Variants in DTNB observed in about 807,000 individuals in gnomAD.
The protein encoded by DTNB is DTN-B.
In DTNB, 63 loss-of-function variants were observed where a neutral mutation model predicts 90.7. The ratio of observed to expected loss-of-function variants is 0.69; its 90% CI spans 0.57 to 0.86. DTNB has a LOEUF of 0.86. DTNB is among the 40% of genes least tolerant of loss of function. The pLI, the probability that DTNB is intolerant of heterozygous loss-of-function variation, is 0.00. For missense variants in DTNB, 744 were observed against 807.1 expected (o/e 0.92, Z 0.95); for synonymous variants, 277 against 286.7 (o/e 0.97, Z 0.34).
chr2:25,478,725 C>A (rs1287193621), intron 10 of DTNB, among the ~76,000 whole-genome samples: 2 of 152,144 alleles, frequency 1.3e-5, no homozygotes, highest in Non-Finnish European at 2.9e-5. Flanking sequence ...TGCTCTGATG[C>A]CATAGGTCTA....
chr2:25,645,669 A>G (rs1199981967), intron 2 of DTNB, among the ~76,000 whole-genome samples: 2 of 152,032 alleles, frequency 1.3e-5, no homozygotes, highest in Non-Finnish European at 2.9e-5. Flanking sequence ...TCAAACTCCT[A>G]GGCTCAAGCA....
At chr2:25,582,539 A>G (rs1254639071) in intron 6 of DTNB, among the ~76,000 whole-genome samples, 1 of 152,206 alleles carries the variant, frequency 6.6e-6, no homozygotes. Context: ...CTGAGGGACA[A>G]TCTCATCTCC....
chr2:25,670,633 TCCCTAAAG>T (rs2085613081), intron 1 of DTNB, among the ~76,000 whole-genome samples: 1 of 152,150 alleles, frequency 6.6e-6, no homozygotes, highest in Non-Finnish European at 1.5e-5. Flanking sequence ...TGAATGGTGC[TCCCTAAAG>T]CTGGGCAGAA....
intron 4 of DTNB, among the ~76,000 whole-genome samples, chr2:25,623,599 A>G (rs1205467304): frequency 1.3e-5 from 2 of 152,174 alleles, no homozygotes; most frequent in Non-Finnish European, 1.5e-5. Flanking sequence ...CTGGATTGTT[A>G]AGGTCTCCAG....
chr2:25,668,194 G>A (rs764160327), intron 1 of DTNB, among the ~76,000 whole-genome samples: 26 of 152,072 alleles, frequency 1.7e-4, no homozygotes, highest in African/African-American at 3.1e-4. Flanking sequence ...AGCCGAGATC[G>A]CGCCACTGCA....
chr2:25,462,805 G>A (rs540625921), intron 10 of DTNB, among the ~76,000 whole-genome samples: 41 of 151,936 alleles, frequency 2.7e-4, no homozygotes, highest in African/African-American at 9.2e-4. Flanking sequence ...CCGGGTTCAC[G>A]CCATTCTCCT....
At chr2:25,614,151 G>T (rs548480975) in intron 4 of DTNB, among the ~76,000 whole-genome samples, 1 of 152,160 alleles carries the variant, frequency 6.6e-6, no homozygotes, top group South Asian at 2.1e-4. Context: ...GACACTCTCA[G>T]AAAACTCAGG....
intron 16 of DTNB, among the ~76,000 whole-genome samples, chr2:25,407,053 T>C (rs536627315): frequency 1.3e-5 from 2 of 152,284 alleles, no homozygotes; most frequent in East Asian, 1.9e-4. Flanking sequence ...TGGTTAGCCA[T>C]CTGTGCAGAG....
chr2:25,572,938 T>G (rs1002385629), intron 8 of DTNB, among the ~76,000 whole-genome samples: 7 of 152,100 alleles, frequency 4.6e-5, no homozygotes, highest in African/African-American at 1.7e-4. Context: ...ATAGAATCAC[T>G]TGGGGAACTT....
intron 2 of DTNB, among the ~76,000 whole-genome samples, chr2:25,652,077 C>T (rs2081048014): frequency 6.6e-6 from 1 of 152,170 alleles, no homozygotes; most frequent in Admixed American, 6.5e-5. Flanking sequence ...CTTCTCTCAG[C>T]CATCTTCTTC....
intron 1 of DTNB, among the ~76,000 whole-genome samples, chr2:25,671,566 G>A (rs1351082888): frequency 6.6e-6 from 1 of 152,106 alleles, no homozygotes; most frequent in Non-Finnish European, 1.5e-5. Context: ...AAGAAACTAA[G>A]GCCCTGAGAG....
At chr2:25,486,013 T>C (rs978365052) in intron 9 of DTNB, among the ~76,000 whole-genome samples, 1 of 151,426 alleles carries the variant, frequency 6.6e-6, no homozygotes, top group Non-Finnish European at 1.5e-5. Context: ...TCCCAGCTAC[T>C]TGGGAGGTTG....
chr2:25,479,307 C>T (rs1432345599), intron 10 of DTNB, among the ~76,000 whole-genome samples: 2 of 152,074 alleles, frequency 1.3e-5, no homozygotes, highest in Admixed American at 6.6e-5. Context: ...CAGAACAGTA[C>T]GCAGCATAAG....
intron 4 of DTNB, among the ~76,000 whole-genome samples, chr2:25,611,776 C>T (rs937610658): frequency 2.0e-5 from 3 of 151,962 alleles, no homozygotes; most frequent in African/African-American, 4.8e-5. Flanking sequence ...GGGTTTGGGA[C>T]CAGCCTGGGC....
intron 1 of DTNB, among the ~76,000 whole-genome samples, chr2:25,670,442 G>A (rs1351389839): frequency 1.3e-5 from 2 of 151,996 alleles, no homozygotes; most frequent in African/African-American, 4.8e-5. Context: ...AGTCTGGAAA[G>A]ACCACAAAAA....
chr2:25,512,398 G>A (rs1201150545), intron 9 of DTNB, among the ~76,000 whole-genome samples: 1 of 152,146 alleles, frequency 6.6e-6, no homozygotes, highest in African/African-American at 2.4e-5. Context: ...CCATCCTCTA[G>A]AAACACAAAT....
At chr2:25,508,910 G>C (rs953453034) in intron 9 of DTNB, among the ~76,000 whole-genome samples, 1 of 152,034 alleles carries the variant, frequency 6.6e-6, no homozygotes, top group African/African-American at 2.4e-5. Flanking sequence ...GTATTCCTAC[G>C]TTATGTTTCT....
intron 8 of DTNB, among the ~76,000 whole-genome samples, chr2:25,537,377 G>T (rs1265733512): frequency 6.6e-6 from 1 of 151,896 alleles, no homozygotes; most frequent in Non-Finnish European, 1.5e-5. Context: ...GACTACTTTA[G>T]CTCCATCCTA....
chr2:25,515,075 G>T (rs1370740404), intron 9 of DTNB, among the ~76,000 whole-genome samples: 1 of 152,010 alleles, frequency 6.6e-6, no homozygotes, highest in Non-Finnish European at 1.5e-5. Flanking sequence ...CACAGTTGTG[G>T]CTACTGCTAA....
Sources: allele counts gnomAD v4.1 joint callset (sites outside exome capture counted in the v4.1 genomes callset), GRCh38; gene constraint gnomAD v4.1.1; transcripts MANE v1.5; gene names NCBI Gene and HGNC (gene_info 2026-07-23, HGNC 2026-07-21).